The following ZNF727 variants were observed in gnomAD, a reference collection of about 807,000 sequenced individuals.
ZNF727 encodes putative zinc finger protein 727.
ZNF727 carries 11 observed loss-of-function variants against 11.5 expected under a neutral mutation model. That is an observed-to-expected ratio of 0.95 (90% CI 0.60 to 1.58). ZNF727 has a LOEUF of 1.58. Ranked by LOEUF, ZNF727 falls within the 40% of genes most tolerant of loss-of-function variation. The probability of loss-of-function intolerance (pLI) is 0.00; values close to 1 mark genes in which losing one functional copy is unlikely to be tolerated. For synonymous variants in ZNF727, 171 were observed against 196.1 expected (o/e 0.87, Z 1.07); for missense variants, 533 against 581.7 (o/e 0.92, Z 0.86).
At position 64,085,262 on chromosome 7, in the gene ZNF727, A is replaced by G. The variant is rs903694300; in HGVS notation, c.*6713A>G. 6.6e-6 allele frequency among the ~76,000 whole-genome samples: 1 copy of G among 152,148 alleles called. No individual in the cohort carries two copies. Among genetic ancestry groups the G allele is most frequent in the African/African-American group, 2.4e-5 (1 of 41,438 alleles). On this transcript the variant is annotated 3_prime_UTR_variant, in exon 4 of 4. Coordinates refer to ENST00000456806, the MANE Select transcript of ZNF727 (RefSeq NM_001159522.3). ...TCAATTAGAGAATGCTATTTAATCC[A>G]ATTTTCATTTAGTTATTGATCATTT... is the stretch of plus-strand genomic sequence containing the variant.
chr7:64,065,490 G>A (rs368808582), intron 1 of ZNF727, among the ~76,000 whole-genome samples: 1 of 152,158 alleles, frequency 6.6e-6, no homozygotes, highest in African/African-American at 2.4e-5. Context: ...TGTGAGTGTG[G>A]TGATTTCAAG....
chr7:64,060,963 G>A (rs1413221156), intron 1 of ZNF727, among the ~76,000 whole-genome samples: 1 of 151,732 alleles, frequency 6.6e-6, no homozygotes, highest in Non-Finnish European at 1.5e-5. Flanking sequence ...TAATTTCTCT[G>A]TGTTTGTATA....
rs1223667943 is a variant in ZNF727 at position 64,078,861 on chromosome 7, A to C, written c.*312A>C. Among the ~76,000 whole-genome samples the C allele has an allele frequency of 6.6e-6, 1 of 152,056 alleles. No homozygotes were observed. Among genetic ancestry groups the C allele is most frequent in the Non-Finnish European group, 1.5e-5 (1 of 68,004 alleles). On this transcript the variant is annotated 3_prime_UTR_variant, in exon 4 of 4. Coordinates refer to ENST00000456806, the MANE Select transcript of ZNF727 (RefSeq NM_001159522.3). ...AACAAAGGCTATAGGTGGTTCTGAG[A>C]CCTTGCTAAACATAAGATAATTCAT... is the stretch of plus-strand genomic sequence containing the variant.
At chr7:64,064,511 G>A (rs1789832544) in intron 1 of ZNF727, among the ~76,000 whole-genome samples, 1 of 152,136 alleles carries the variant, frequency 6.6e-6, no homozygotes. Flanking sequence ...CTTTCCTCAA[G>A]TAGAAAGAAA....
At chr7:64,070,557 A>G (rs1789944539) in intron 3 of ZNF727, among the ~76,000 whole-genome samples, 1 of 152,046 alleles carries the variant, frequency 6.6e-6, no homozygotes, top group Non-Finnish European at 1.5e-5. Flanking sequence ...TATTGATTTT[A>G]TATCTGTATA....
chr7:64,059,080 G>T (rs1333009928), intron 1 of ZNF727, among the ~76,000 whole-genome samples: 1 of 152,002 alleles, frequency 6.6e-6, no homozygotes. Flanking sequence ...GAGTAGCTGG[G>T]ATTACATGTG....
In ZNF727 at chr7:64,068,901, C is replaced by T. The variant is rs772154064; in HGVS notation, c.14C>T (p.Thr5Ile). The change falls in exon 2 of 4, where the codon ACA becomes ATA. Residue 5 changes from threonine to isoleucine, a missense_variant. Physicochemically the swap from Thr to Ile is moderately conservative, Grantham distance 89. Transcript: ENST00000456806. ...TGTTTTGTTTTTCAGCGAGTGCTAA[C>T]ATTCAGGGATGTGGCTGTAGAATTC... MRVLTFRDVAVEFSP... is the reference protein window; with the variant it reads MRVLIFRDVAVEFSP... 3 of 1,598,350 alleles carry T rather than the reference C, an allele frequency of 1.9e-6. No individual in the cohort carries two copies. Among genetic ancestry groups the T allele is most frequent in the Non-Finnish European group, 2.6e-6 (3 of 1,171,706 alleles).
chr7:64,054,883 A>G (rs2116278670), intron 1 of ZNF727, among the ~76,000 whole-genome samples: 1 of 152,260 alleles, frequency 6.6e-6, no homozygotes, highest in East Asian at 1.9e-4. Flanking sequence ...TGATGTCTCT[A>G]GGATGTTACA....
At chr7:64,063,448 C>G (rs1280725346) in intron 1 of ZNF727, among the ~76,000 whole-genome samples, 3 of 152,104 alleles carry the variant, frequency 2.0e-5, no homozygotes, top group East Asian at 1.9e-4. Flanking sequence ...GACTCTTTTT[C>G]TATTTTTTTA....
chr7:64,075,448 A>G (rs906552478), intron 3 of ZNF727, among the ~76,000 whole-genome samples: 4 of 151,780 alleles, frequency 2.6e-5, no homozygotes, highest in Non-Finnish European at 4.4e-5. Flanking sequence ...TAGTGATTCA[A>G]ACTTCATTGT....
chr7:64,073,953 C>G (rs1273327135), intron 3 of ZNF727, among the ~76,000 whole-genome samples: 1 of 152,140 alleles, frequency 6.6e-6, no homozygotes, highest in African/African-American at 2.4e-5. Flanking sequence ...ATTGGACAGT[C>G]TCCTATAATT....
At position 64,068,891 on chromosome 7, in the gene ZNF727, C is replaced by A. The variant is rs10237332; in HGVS notation, c.4C>A (p.Arg2=). 2 of 1,589,862 alleles carry A rather than the reference C, an allele frequency of 1.3e-6. No individual in the cohort carries two copies. The highest frequency in any genetic ancestry group is 1.7e-6 in the Non-Finnish European group (2 of 1,167,390). The change falls in exon 2 of 4, where the codon CGA becomes AGA. Residue 2 remains arginine (R), a splice_region_variant and synonymous_variant. Coordinates refer to ENST00000456806, the MANE Select transcript of ZNF727 (RefSeq NM_001159522.3). ...TTGGTAAATATGTTTTGTTTTTCAG[C>A]GAGTGCTAACATTCAGGGATGTGGC... M[R]VLTFRDVAVE...
rs369057727 is a variant in ZNF727, at chr7:64,055,188, G to T, written c.3+9564G>T. ...AATCCCAGCACTTTGGGAGGCTGAG[G>T]TTCGCGGATCACAAGGTCAGGAGTT... On this transcript the variant is annotated intron_variant, in intron 1 of 3. Transcript: ENST00000456806. 5.9e-5 allele frequency among the ~76,000 whole-genome samples: 9 copies of T among 152,230 alleles called. No individual in the cohort carries two copies. In the East Asian group the frequency reaches 7.7e-4, roughly 13 times the overall value.
chr7:64,046,568 TC>T (rs1157527739), intron 1 of ZNF727, among the ~76,000 whole-genome samples: 1 of 152,198 alleles, frequency 6.6e-6, no homozygotes, highest in Non-Finnish European at 1.5e-5. Context: ...CTTTTCAAGC[TC>T]CTGCTTCACC....
At chr7:64,072,078 A>G (rs969204810) in intron 3 of ZNF727, among the ~76,000 whole-genome samples, 2 of 152,184 alleles carry the variant, frequency 1.3e-5, no homozygotes, top group Non-Finnish European at 2.9e-5. Flanking sequence ...TCTTGTAATT[A>G]CATATAAATT....
intron 1 of ZNF727, among the ~76,000 whole-genome samples, chr7:64,064,234 C>T (rs1789827449): frequency 6.6e-6 from 1 of 152,172 alleles, no homozygotes; most frequent in Non-Finnish European, 1.5e-5. Flanking sequence ...GATTGCACTG[C>T]ACTAGGCCTC....
At position 64,078,133 on chromosome 7, in the gene ZNF727, C is replaced by A; in HGVS notation, c.1084C>A (p.His362Asn). 6.2e-7 allele frequency: 1 copy of A among 1,601,866 alleles called. No homozygotes were observed. The highest frequency in any genetic ancestry group is 8.5e-7 in the Non-Finnish European group (1 of 1,173,684). Residue 362 changes from histidine (H) to asparagine (N), a missense_variant, in exon 4 of 4, where the codon CAT (histidine) becomes AAT (asparagine). Physicochemically the swap from His to Asn is moderately conservative, Grantham distance 68. This residue lies in a region of ZNF727 where 463 missense variants were observed against 494.5 expected (regional missense o/e 0.94). Transcript: ENST00000456806. ...SSTLISHKRI[H>N]MELRPYKCEE... ...AACCCTTATTAGCCACAAGAGAATT[C>A]ATATGGAATTGAGACCTTACAAATG...
intron 1 of ZNF727, among the ~76,000 whole-genome samples, chr7:64,064,431 A>G (rs868231984): frequency 6.6e-6 from 1 of 152,080 alleles, no homozygotes; most frequent in South Asian, 2.1e-4. Context: ...GCTTTTTCTG[A>G]TGTTGTATTC....
intron 1 of ZNF727, among the ~76,000 whole-genome samples, chr7:64,056,226 C>A (rs558838149): frequency 2.0e-5 from 3 of 152,202 alleles, no homozygotes; most frequent in Non-Finnish European, 4.4e-5. Context: ...ATATTGATAT[C>A]ATCTAAAAGT....
Sources: gnomAD v4.1 joint callset for allele counts (sites outside exome capture counted in the v4.1 genomes callset) on GRCh38, gnomAD v4.1.1 for gene constraint, gnomAD v4.1.1 regional missense constraint, MANE v1.5 for transcripts, NCBI Gene and HGNC (gene_info 2026-07-23, HGNC 2026-07-21) for gene names.